The following NXPH2 variants were observed in gnomAD, a reference collection of about 807,000 sequenced individuals.
NXPH2 encodes neurexophilin 2.
A neutral mutation model predicts 19.8 loss-of-function variants in NXPH2; 5 were observed. The observed-to-expected ratio is 0.25, with a 90% CI of 0.13 to 0.53. The LOEUF (loss-of-function observed/expected upper bound fraction) is 0.53, where lower values mean the gene tolerates loss of function less well. NXPH2 is among the 20% of genes least tolerant of loss of function. The probability of loss-of-function intolerance (pLI) is 0.96; values close to 1 mark genes in which losing one functional copy is unlikely to be tolerated. For missense variants in NXPH2, 289 were observed against 322.8 expected, an observed-to-expected ratio of 0.90 and a Z score of 0.80; for synonymous variants, 154 against 127.4, an observed-to-expected ratio of 1.21 and a Z score of -1.41.
At chr2:138,749,245 G>C (rs1681789723) in intron 1 of NXPH2, among the ~76,000 whole-genome samples, 1 of 152,098 alleles carries the variant, frequency 6.6e-6, no homozygotes, top group South Asian at 2.1e-4. Flanking sequence ...AGAAAGACAT[G>C]CTTGCTTCCC....
At position 138,773,969 on chromosome 2, in the gene NXPH2, T is replaced by C. The variant is rs186376328; in HGVS notation, c.51+6222A>G. Among the ~76,000 whole-genome samples, 5 of 152,286 alleles carry C rather than the reference T, an allele frequency of 3.3e-5. No homozygotes were observed. The East Asian group carries it at 9.6e-4, about 29-fold the overall frequency. On this transcript the variant is annotated intron_variant, in intron 1 of 1. Transcript: ENST00000272641. ...TAGGTCTCACATGCCAGTTTTTTTG[T>C]TTGTTTTATTTTTAAAATTTTGTAA...
At chr2:138,750,524 A>G (rs1413436409) in intron 1 of NXPH2, among the ~76,000 whole-genome samples, 2 of 152,182 alleles carry the variant, frequency 1.3e-5, no homozygotes, top group East Asian at 3.8e-4. Context: ...GTAAATGTGA[A>G]CCAGCAGATT....
At chr2:138,708,586 C>T (rs1221778937) in intron 1 of NXPH2, among the ~76,000 whole-genome samples, 2 of 152,126 alleles carry the variant, frequency 1.3e-5, no homozygotes, top group Non-Finnish European at 2.9e-5. Context: ...ACTGAAAACT[C>T]CTGAAAGACA....
chr2:138,705,630 A>C (rs1158710526), intron 1 of NXPH2, among the ~76,000 whole-genome samples: 3 of 152,178 alleles, frequency 2.0e-5, no homozygotes, highest in African/African-American at 7.2e-5. Context: ...CTGTCTTTGA[A>C]CGTGGTGTGA....
In NXPH2 at chr2:138,697,309, G is replaced by A. The variant is rs531192734; in HGVS notation, c.52-25644C>T. Among the ~76,000 whole-genome samples, 10 of 152,080 alleles carry A rather than the reference G, an allele frequency of 6.6e-5. No individual in the cohort carries two copies. In the South Asian group the frequency reaches 1.9e-3, roughly 28 times the overall value. On this transcript the variant is annotated intron_variant, in intron 1 of 1. Coordinates refer to ENST00000272641, the MANE Select transcript of NXPH2 (RefSeq NM_007226.3). The stretch of plus-strand genomic sequence containing the variant: ...GAAAATGATTTAAATAATAAACCAA[G>A]ACTGTTTATTATACTGTATGTAAAT...
chr2:138,707,101 A>ACAAAAC (rs1558918432), intron 1 of NXPH2, among the ~76,000 whole-genome samples: 2 of 145,470 alleles, frequency 1.4e-5, no homozygotes, highest in African/African-American at 4.9e-5. Context: ...TGACAAAAAA[A>ACAAAAC]AAAAAAAAAA....
intron 1 of NXPH2, among the ~76,000 whole-genome samples, chr2:138,750,990 A>C (rs1681820609): frequency 1.3e-5 from 2 of 151,626 alleles, no homozygotes; most frequent in African/African-American, 2.4e-5. Context: ...ACCCTCTATA[A>C]AGCTGTGCTC....
At chr2:138,719,897 T>C (rs1473498193) in intron 1 of NXPH2, among the ~76,000 whole-genome samples, 1 of 152,250 alleles carries the variant, frequency 6.6e-6, no homozygotes, top group Non-Finnish European at 1.5e-5. Flanking sequence ...CCCACTGCTC[T>C]ATTTACTTTT....
chr2:138,697,897 AAAC>A (rs1370964289), intron 1 of NXPH2, among the ~76,000 whole-genome samples: 4 of 152,158 alleles, frequency 2.6e-5, no homozygotes, highest in Non-Finnish European at 5.9e-5. Context: ...AAATATATGA[AAAC>A]AACAAATATT....
chr2:138,679,366 C>T lies in NXPH2; in HGVS notation c.52-7701G>A, dbSNP rs72986854. On this transcript the variant is annotated intron_variant, in intron 1 of 1. Coordinates refer to ENST00000272641, the MANE Select transcript of NXPH2 (RefSeq NM_007226.3). ...TTTATTAGCACATATTGACTCTTCA[C>T]CTACGTGGCAGCGGGGGAGTAGGAG... Among the ~76,000 whole-genome samples, 720 of 152,100 alleles carry T rather than the reference C, an allele frequency of 4.7e-3. 4 individuals are homozygous for T. Among genetic ancestry groups the T allele is most frequent in the East Asian group, 0.029 (152 of 5,172 alleles).
At chr2:138,709,748 C>T (rs2104987077) in intron 1 of NXPH2, among the ~76,000 whole-genome samples, 1 of 152,298 alleles carries the variant, frequency 6.6e-6, no homozygotes, top group South Asian at 2.1e-4. Flanking sequence ...AGAATATCAT[C>T]TAATTGGAAT....
intron 1 of NXPH2, among the ~76,000 whole-genome samples, chr2:138,729,559 C>T (rs891045987): frequency 4.6e-5 from 7 of 152,160 alleles, no homozygotes; most frequent in Admixed American, 3.9e-4. Flanking sequence ...TGTTGCTTTC[C>T]TATTTAGCCT....
intron 1 of NXPH2, among the ~76,000 whole-genome samples, chr2:138,745,916 G>C (rs544479848): frequency 6.6e-6 from 1 of 152,186 alleles, no homozygotes. Context: ...AATAATTAAA[G>C]AGTCATAACT....
At chr2:138,674,346 G>T (rs928901164) in intron 1 of NXPH2, among the ~76,000 whole-genome samples, 2 of 151,856 alleles carry the variant, frequency 1.3e-5, no homozygotes, top group Admixed American at 1.3e-4. Context: ...TGGAGACAGG[G>T]TCTCACCATG....
chr2:138,767,116 C>G (rs953942059), intron 1 of NXPH2, among the ~76,000 whole-genome samples: 34 of 152,190 alleles, frequency 2.2e-4, no homozygotes, highest in Non-Finnish European at 1.3e-4. Flanking sequence ...TTATATTATA[C>G]TCTGTTCTTA....
chr2:138,703,573 A>T (rs1259285072), intron 1 of NXPH2, among the ~76,000 whole-genome samples: 1 of 152,176 alleles, frequency 6.6e-6, no homozygotes, highest in East Asian at 1.9e-4. Context: ...AAAACCTAGC[A>T]CAGGTTCTAA....
intron 1 of NXPH2, among the ~76,000 whole-genome samples, chr2:138,711,297 C>T (rs567104087): frequency 1.1e-4 from 17 of 152,052 alleles, no homozygotes; most frequent in Non-Finnish European, 2.4e-4. Context: ...CCCACCACCA[C>T]GCCCGGCTAA....
chr2:138,716,627 A>G (rs112610613), intron 1 of NXPH2, among the ~76,000 whole-genome samples: 23 of 152,346 alleles, frequency 1.5e-4, no homozygotes, highest in Non-Finnish European at 2.6e-4. Context: ...GACAACAGGT[A>G]TTCGGTCCTT....
chr2:138,750,640 C>A (rs1295383408), intron 1 of NXPH2, among the ~76,000 whole-genome samples: 1 of 152,110 alleles, frequency 6.6e-6, no homozygotes, highest in East Asian at 1.9e-4. Context: ...GTGAATAAGA[C>A]CCAGTCCCTA....
Sources: allele counts gnomAD v4.1 joint callset (sites outside exome capture counted in the v4.1 genomes callset), GRCh38; gene constraint gnomAD v4.1.1; transcripts MANE v1.5; gene names NCBI Gene and HGNC (gene_info 2026-07-23, HGNC 2026-07-21).